SALL3: variants seen among roughly 807,000 people sequenced by gnomAD.
SALL3 encodes sal-like protein 3.
Under a neutral mutation model 66.2 loss-of-function variants are expected in SALL3, and 25 were observed. The ratio of observed to expected loss-of-function variants is 0.38; its 90% confidence interval spans 0.28 to 0.53. The LOEUF is 0.53. Among genes scored for constraint, SALL3 ranks in the 20% least tolerant of loss-of-function variants. The probability of loss-of-function intolerance (pLI) is 0.85; values close to 1 mark genes in which losing one functional copy is unlikely to be tolerated. For synonymous variants in SALL3, 1,152 were observed against 899.1 expected (o/e 1.28, Z -5.03); for missense variants, 2,194 against 1,916.5 (o/e 1.14, Z -2.70).
rs1262086250 is a variant in SALL3 at position 78,992,501 on chromosome 18, G to T, written c.510G>T (p.Ala170=). 4 of 1,471,540 alleles carry T rather than the reference G, an allele frequency of 2.7e-6. No individual in the cohort carries two copies. In the East Asian group the frequency reaches 1.2e-4, roughly 44 times the overall value. 91.2% of individuals were successfully genotyped at this position (1,471,540 alleles called of 1,614,324 possible). The change falls in exon 2 of 3, where the codon GCG becomes GCT. Residue 170 remains alanine, a synonymous_variant. Transcript: ENST00000537592. ...CCAGCACCAACGTGACCCTGGAGGCGCTGCTGAGCACCAAGGTGGCGGTGG... is the reference window on the plus strand; with the variant it reads ...CCAGCACCAACGTGACCCTGGAGGCTCTGCTGAGCACCAAGGTGGCGGTGG... ...GAPSTNVTLE[A]LLSTKVAVAQ...
Position 78,997,037 on chromosome 18 carries a change from C to T in SALL3, c.3618C>T (p.Asn1206=), listed in dbSNP as rs754277788. ...AGGACCTGGCAGCTCGGGCAATGAA[C>T]GTCGACCCCAGTTTTTGGAACCAGT... ...FQKDLAARAM[N]VDPSFWNQYA... is the part of the protein sequence containing the mutation. Residue 1206 remains asparagine (N), a synonymous_variant, in exon 3 of 3, where the codon AAC becomes AAT. Coordinates refer to ENST00000537592, the MANE Select transcript of SALL3 (RefSeq NM_171999.4). 10 of 1,614,186 alleles carry T rather than the reference C, an allele frequency of 6.2e-6. No homozygotes were observed. In the South Asian group the frequency reaches 8.8e-5, roughly 14 times the overall value.
Position 78,994,832 on chromosome 18 carries a change from C to T in SALL3, c.2841C>T (p.Ser947=), listed in dbSNP as rs534874192. 8 of 1,596,670 alleles carry T rather than the reference C, an allele frequency of 5.0e-6. No homozygotes were observed. In the African/African-American group the frequency reaches 5.4e-5, roughly 11 times the overall value. Residue 947 remains serine (S), a synonymous_variant, in exon 2 of 3, where the codon AGC becomes AGT. Transcript: ENST00000537592. ...ACAGCCCAGCCGCCGCCCCGGGCAG[C>T]GGAGGCGCCCCTGGCCGCGCGGGCA... The part of the protein sequence containing the change: ...RPDSPAAAPG[S]GGAPGRAGIK...
At chr18:78,995,494 C>A (rs749927952) in intron 2 of SALL3, 32 bp downstream of exon 2, 13 of 1,497,316 alleles carry the variant, frequency 8.7e-6, no homozygotes, top group Non-Finnish European at 1.1e-5. Flanking sequence ...GCCCCGGCTG[C>A]GGTGCGGCCG....
chr18:78,980,845 G>A (rs1914030465), intron 1 of SALL3, among the ~76,000 whole-genome samples: 1 of 152,154 alleles, frequency 6.6e-6, no homozygotes, highest in South Asian at 2.1e-4. Flanking sequence ...GCACCGCCTC[G>A]GGTGACCCGC....
Position 78,993,807 on chromosome 18 carries a change from G to C in SALL3, c.1816G>C (p.Ala606Pro). 3 of 1,552,646 alleles carry C rather than the reference G, an allele frequency of 1.9e-6. No individual in the cohort carries two copies. The highest frequency in any genetic ancestry group is 2.6e-6 in the Non-Finnish European group (3 of 1,154,596). The part of the protein sequence containing the change: ...AEPVSLPCTN[A>P]RAGDAPVGAQ... ...GCCCGTCAGCCTGCCCTGCACCAAC[G>C]CCAGGGCCGGGGACGCTCCCGTGGG... Residue 606 changes from alanine (A) to proline (P), a missense_variant, in exon 2 of 3, where the codon GCC (alanine) becomes CCC (proline). Coordinates refer to ENST00000537592, the MANE Select transcript of SALL3 (RefSeq NM_171999.4).
chr18:78,985,305 C>T (rs1357651617), intron 1 of SALL3, among the ~76,000 whole-genome samples: 1 of 152,232 alleles, frequency 6.6e-6, no homozygotes, highest in Non-Finnish European at 1.5e-5. Context: ...CCATCTAGTT[C>T]AGCACAAGTG....
intron 2 of SALL3, among the ~76,000 whole-genome samples, chr18:78,995,780 A>G (rs1914673819): frequency 6.6e-6 from 1 of 151,946 alleles, no homozygotes; most frequent in Non-Finnish European, 1.5e-5. Flanking sequence ...GCGTGTGCAA[A>G]TGTGCATGTC....
At chr18:78,991,480 A>T (rs1195955866) in intron 1 of SALL3, among the ~76,000 whole-genome samples, 2 of 152,190 alleles carry the variant, frequency 1.3e-5, no homozygotes, top group African/African-American at 4.8e-5. Flanking sequence ...ACATTCACAA[A>T]TGAGAGCATT....
At position 78,994,366 on chromosome 18, in the gene SALL3, C is replaced by G. The variant is rs1914598668; in HGVS notation, c.2375C>G (p.Thr792Ser). The stretch of plus-strand genomic sequence containing the variant: ...GCCTACGACGACAAGAACGCGGAGA[C>G]CCTGAGCAGCTACGATGACGACATG... ...ELAYDDKNAE[T>S]LSSYDDDMDE... Residue 792 changes from threonine (T) to serine (S), a missense_variant, in exon 2 of 3, where the codon ACC becomes AGC. By Grantham distance (58) the Thr-to-Ser change is moderately conservative. Coordinates refer to ENST00000537592, the MANE Select transcript of SALL3 (RefSeq NM_171999.4). 1 of 1,613,346 alleles carries G rather than the reference C, an allele frequency of 6.2e-7. No individual in the cohort carries two copies. Among genetic ancestry groups the G allele is most frequent in the African/African-American group, 1.3e-5 (1 of 74,904 alleles).
At position 78,994,055 on chromosome 18, in the gene SALL3, G is replaced by T; in HGVS notation, c.2064G>T (p.Leu688=). The change falls in exon 2 of 3, where the codon CTG becomes CTT. Residue 688 remains leucine, a synonymous_variant. Coordinates refer to ENST00000537592, the MANE Select transcript of SALL3 (RefSeq NM_171999.4). ...AGTGCGTCATCTGCCACCGGGTGCT[G>T]AGCTGCCAGAGCGCGCTGAAGATGC... ...PNQCVICHRV[L]SCQSALKMHY... is the part of the protein sequence containing the mutation. 1 of 1,612,816 alleles carries T rather than the reference G, an allele frequency of 6.2e-7. No homozygotes were observed. The highest frequency in any genetic ancestry group is 8.5e-7 in the Non-Finnish European group (1 of 1,179,946).
In SALL3 at chr18:78,994,472, G is replaced by A; in HGVS notation, c.2481G>A (p.Gly827=). Reference sequence around the variant, plus strand: ...CCAAGCCACTCCTGTCCTACGCGGGGTCCTGCCCGCCCTCCCCGCCCTCGG... The same window carrying A: ...CCAAGCCACTCCTGTCCTACGCGGGATCCTGCCCGCCCTCCCCGCCCTCGG... ...DPAKPLLSYA[G]SCPPSPPSVI... is the part of the protein sequence containing the mutation. Residue 827 remains glycine (G), a synonymous_variant, in exon 2 of 3, where the codon GGG becomes GGA. Coordinates refer to ENST00000537592, the MANE Select transcript of SALL3 (RefSeq NM_171999.4). 6.2e-7 allele frequency: 1 copy of A among 1,611,946 alleles called. No homozygotes were observed. The highest frequency in any genetic ancestry group is 8.5e-7 in the Non-Finnish European group (1 of 1,179,344).
rs920452485 is a variant in SALL3, at chr18:78,998,732, CTT to C, written c.*1412_*1413del. 6.6e-6 allele frequency: 1 copy of C among 152,240 alleles called. No individual in the cohort carries two copies. Among genetic ancestry groups the C allele is most frequent in the African/African-American group, 2.4e-5 (1 of 41,464 alleles). The allele number at this position is 152,240 out of a possible 1,614,324, so 9.4% of individuals were successfully genotyped here. A position where few individuals can be genotyped will look rare whatever the true frequency, so the allele number is the denominator to read the frequency against. ...TATCAGGCAGTACAATCAGTCATGA[CTT>C]TGAAATTTTCCGAGTTCCTGATTTA... On this transcript the variant is annotated 3_prime_UTR_variant, in exon 3 of 3. Coordinates refer to ENST00000537592, the MANE Select transcript of SALL3 (RefSeq NM_171999.4).
At position 78,995,426 on chromosome 18, in the gene SALL3, C is replaced by A; in HGVS notation, c.3435C>A (p.Ile1145=). 1 of 1,585,808 alleles carries A rather than the reference C, an allele frequency of 6.3e-7. No homozygotes were observed. The highest frequency in any genetic ancestry group is 8.5e-7 in the Non-Finnish European group (1 of 1,173,954). The change falls in exon 2 of 3, where the codon ATC becomes ATA. Residue 1145 remains isoleucine, a synonymous_variant. Transcript: ENST00000537592. ...GCGAGAAGCCGTTCGGCTGCACCATCTGCGGCCGGGCCTTCACCACTAAGG... is the reference window on the plus strand; with the variant it reads ...GCGAGAAGCCGTTCGGCTGCACCATATGCGGCCGGGCCTTCACCACTAAGG... ...HTGEKPFGCT[I]CGRAFTTKGN...
intron 1 of SALL3, among the ~76,000 whole-genome samples, chr18:78,986,409 G>T (rs980159996): frequency 1.3e-5 from 2 of 152,302 alleles, no homozygotes; most frequent in South Asian, 4.1e-4. Flanking sequence ...TCGGGAAAAG[G>T]ACAGAAAATT....
rs1434033224 is a variant in SALL3, at chr18:78,992,292, A to G, written c.301A>G (p.Ser101Gly). Residue 101 changes from serine to glycine, a missense_variant, in exon 2 of 3, where the codon AGC (serine) becomes GGC (glycine). By Grantham distance (56) the Ser-to-Gly change is moderately conservative. Coordinates refer to ENST00000537592, the MANE Select transcript of SALL3 (RefSeq NM_171999.4). ...GGACTTCCCCGAGCCTTCGCCCGCCAGCTCCCCCAGCGAGCGCGCCGAAAG... is the reference window on the plus strand; with the variant it reads ...GGACTTCCCCGAGCCTTCGCCCGCCGGCTCCCCCAGCGAGCGCGCCGAAAG... ...PEDFPEPSPA[S>G]SPSERAESEA... 2.0e-6 allele frequency: 3 copies of G among 1,536,138 alleles called. No homozygotes were observed. Among genetic ancestry groups the G allele is most frequent in the Non-Finnish European group, 2.6e-6 (3 of 1,150,312 alleles).
In SALL3 at chr18:78,980,169, C is replaced by G. The variant is rs1330433460; in HGVS notation, c.-106C>G. 7 of 235,096 alleles carry G rather than the reference C, an allele frequency of 3.0e-5. No homozygotes were observed. The highest frequency in any genetic ancestry group is 4.7e-5 in the Non-Finnish European group (7 of 147,692). The allele number at this position is 235,096 out of a possible 1,614,324, so 14.6% of individuals were successfully genotyped here. A position where few individuals can be genotyped will look rare whatever the true frequency, so the allele number is the denominator to read the frequency against. ...CATGCGCGGCCCGCGCAGCCGCCGC[C>G]GCCCCGCGCCCCGCGCCGCGCGCCC... On this transcript the variant is annotated 5_prime_UTR_variant, in exon 1 of 3. Coordinates refer to ENST00000537592, the MANE Select transcript of SALL3 (RefSeq NM_171999.4).
rs534818289 is a variant in SALL3 at position 78,998,920 on chromosome 18, G to T, written c.*1598G>T. ...GTCGTGAACTACCTCATTTTCGTGC[G>T]TTGCAAGTGTGCTGGCGTCTGACAC... On this transcript the variant is annotated 3_prime_UTR_variant, in exon 3 of 3. Transcript: ENST00000537592. 3.9e-5 allele frequency: 6 copies of T among 152,364 alleles called. No homozygotes were observed. The South Asian group carries it at 1.2e-3, about 32-fold the overall frequency. 9.4% of individuals were successfully genotyped at this position (152,364 alleles called of 1,614,324 possible).
In SALL3 at chr18:78,992,182, C is replaced by T; in HGVS notation, c.191C>T (p.Ala64Val). The T allele has an allele frequency of 1.2e-6, 2 of 1,610,024 alleles. No individual in the cohort carries two copies. The highest frequency in any genetic ancestry group is 2.2e-5 in the East Asian group (1 of 44,624). Residue 64 changes from alanine to valine, a missense_variant, in exon 2 of 3, where the codon GCG becomes GTG. Physicochemically the swap from Ala to Val is moderately conservative, Grantham distance 64. Transcript: ENST00000537592. ...EKCCAEFFKWADFLEHQRSCT... is the reference protein window; with the variant it reads ...EKCCAEFFKWVDFLEHQRSCT... ...TGCTGCGCCGAGTTCTTCAAGTGGGCGGACTTCCTGGAGCACCAGCGGAGC... is the reference window on the plus strand; with the variant it reads ...TGCTGCGCCGAGTTCTTCAAGTGGGTGGACTTCCTGGAGCACCAGCGGAGC...
Position 78,993,715 on chromosome 18 carries a change from C to T in SALL3, c.1724C>T (p.Ser575Phe). Residue 575 changes from serine (S) to phenylalanine (F), a missense_variant, in exon 2 of 3, where the codon TCC becomes TTC. Physicochemically the swap from Ser to Phe is radical, Grantham distance 155 (BLOSUM62 -2). Coordinates refer to ENST00000537592, the MANE Select transcript of SALL3 (RefSeq NM_171999.4). The part of the protein sequence containing the change: ...SLSPGLNHVE[S>F]GVSATAESPQ... The stretch of plus-strand genomic sequence containing the variant: ...TCCCCAGGCCTCAACCACGTGGAGT[C>T]CGGCGTGTCGGCCACCGCCGAGTCC... 1 of 1,557,662 alleles carries T rather than the reference C, an allele frequency of 6.4e-7. No individual in the cohort carries two copies. The highest frequency in any genetic ancestry group is 8.6e-7 in the Non-Finnish European group (1 of 1,160,550).
Sources: gnomAD v4.1 joint callset for allele counts (sites outside exome capture counted in the v4.1 genomes callset) on GRCh38, gnomAD v4.1.1 for gene constraint, MANE v1.5 for transcripts, NCBI Gene and HGNC (gene_info 2026-07-23, HGNC 2026-07-21) for gene names.